The following ZNF471 variants were observed in gnomAD, a reference collection of about 807,000 sequenced individuals.
The protein encoded by ZNF471 is EZFIT-related protein 1.
A neutral mutation model predicts 13.7 loss-of-function variants in ZNF471; 7 were observed. The observed-to-expected ratio is 0.51, with a 90% CI of 0.29 to 0.96. ZNF471 has a LOEUF of 0.96. Ranked by LOEUF, ZNF471 falls within the 40% of genes least tolerant of loss-of-function variation. The pLI, the probability that ZNF471 is intolerant of heterozygous loss-of-function variation, is 0.08. For missense variants in ZNF471, 663 were observed against 743.3 expected (o/e 0.89, Z 1.26); for synonymous variants, 218 against 235.6 (o/e 0.93, Z 0.68).
In ZNF471 at chr19:56,518,530, G is replaced by C; in HGVS notation, c.209G>C (p.Arg70Thr). Residue 70 changes from arginine (R) to threonine (T), a missense_variant, in exon 4 of 5, where the codon AGA becomes ACA. Coordinates refer to ENST00000308031, the MANE Select transcript of ZNF471 (RefSeq NM_020813.4). ...PYVISLLEQGREPWEMTSEMT... is the reference protein window; with the variant it reads ...PYVISLLEQGTEPWEMTSEMT... ...GTGATCTCCTTATTGGAGCAAGGGA[G>C]AGAGCCTTGGGAGATGACGAGTGAG... is the stretch of plus-strand genomic sequence containing the variant. 6.2e-7 allele frequency: 1 copy of C among 1,613,812 alleles called. No homozygotes were observed. The highest frequency in any genetic ancestry group is 8.5e-7 in the Non-Finnish European group (1 of 1,179,884).
intron 1 of ZNF471, 71 bp downstream of exon 1, chr19:56,507,991 C>T: frequency 1.0e-6 from 1 of 985,892 alleles, no homozygotes; most frequent in Non-Finnish European, 1.2e-6. Flanking sequence ...GCGGGCGGCT[C>T]CGACGCGGGT....
At chr19:56,521,693 A>G (rs988040272) in intron 4 of ZNF471, among the ~76,000 whole-genome samples, 4 of 149,408 alleles carry the variant, frequency 2.7e-5, no homozygotes, top group African/African-American at 7.4e-5. Context: ...GCTCACACCT[A>G]TAATCGCAGC....
Position 56,526,536 on chromosome 19 carries a change from AG to A in ZNF471, c.*593del, listed in dbSNP as rs1297729706. The A allele has an allele frequency of 6.6e-6, 1 of 152,304 alleles. No homozygotes were observed. The highest frequency in any genetic ancestry group is 1.5e-5 in the Non-Finnish European group (1 of 68,170). The allele number at this position is 152,304 out of a possible 1,614,324, so 9.4% of individuals were successfully genotyped here. ...AACAGAACCGCTTACTCCCTTGTTA[AG>A]GGGGCTGAAGCCGGGGAGCCAAGTG... On this transcript the variant is annotated 3_prime_UTR_variant, in exon 5 of 5. Coordinates refer to ENST00000308031, the MANE Select transcript of ZNF471 (RefSeq NM_020813.4).
chr19:56,511,967 T>G lies in ZNF471; in HGVS notation c.33+363T>G, dbSNP rs144594800. ...TGCGTTTCCTATATATAGAATGCAT[T>G]AGGAATTATTCCTCTACCTGAAGTT... On this transcript the variant is annotated intron_variant, in intron 2 of 4. Coordinates refer to ENST00000308031, the MANE Select transcript of ZNF471 (RefSeq NM_020813.4). Among the ~76,000 whole-genome samples the G allele has an allele frequency of 6.2e-3, 937 of 152,336 alleles. 4 individuals are homozygous for G. Among genetic ancestry groups the G allele is most frequent in the African/African-American group, 0.022 (895 of 41,566 alleles).
chr19:56,521,773 C>T lies in ZNF471; in HGVS notation c.257-2551C>T, dbSNP rs144864772. Among the ~76,000 whole-genome samples the T allele has an allele frequency of 3.1e-4, 46 of 150,702 alleles. No individual in the cohort carries two copies. The East Asian group carries it at 8.9e-3, about 29-fold the overall frequency. ...AGACCAGCCTGGGCAACAGCAAGAC[C>T]TCATCCCTACTAAAAATAAAAAATT... On this transcript the variant is annotated intron_variant, in intron 4 of 4. Transcript: ENST00000308031.
Position 56,524,798 on chromosome 19 carries a change from A to G in ZNF471, c.731A>G (p.Lys244Arg), listed in dbSNP as rs776192013. The change falls in exon 5 of 5, where the codon AAG becomes AGG. Residue 244 changes from lysine to arginine, a missense_variant. Transcript: ENST00000308031. This position sits in a 1 kb window ranked among gnomAD's most constrained non-coding sequence, Gnocchi z 4.8. Reference protein sequence around the residue: ...YACEECGKAFKQRQHLAQHHR... With the variant: ...YACEECGKAFRQRQHLAQHHR... The stretch of plus-strand genomic sequence containing the variant: ...TGTGAGGAATGTGGAAAAGCCTTCA[A>G]GCAAAGGCAACACCTTGCTCAACAT... 1 of 1,613,118 alleles carries G rather than the reference A, an allele frequency of 6.2e-7. No individual in the cohort carries two copies. Among genetic ancestry groups the G allele is most frequent in the South Asian group, 1.1e-5 (1 of 90,830 alleles).
intron 2 of ZNF471, among the ~76,000 whole-genome samples, chr19:56,515,266 A>G (rs2043867124): frequency 6.6e-6 from 1 of 152,168 alleles, no homozygotes; most frequent in African/African-American, 2.4e-5. Context: ...TAAATATTGG[A>G]AAGAATGTGA....
At position 56,516,293 on chromosome 19, in the gene ZNF471, G is replaced by A. The variant is rs763039438; in HGVS notation, c.52G>A (p.Asp18Asn). Residue 18 changes from aspartate (D) to asparagine (N), a missense_variant, in exon 3 of 5, where the codon GAT becomes AAT. Transcript: ENST00000308031. The surrounding 1 kb of genome is among the most constrained non-coding windows in gnomAD (Gnocchi z 4.4). ...ACTTCAGGACTTAGTGACATTCAAG[G>A]ATGTGGCAATAGATTTTTCCCAGGA... The part of the protein sequence containing the change: ...VMPQDLVTFK[D>N]VAIDFSQEEW... The A allele has an allele frequency of 6.2e-7, 1 of 1,613,690 alleles. No individual in the cohort carries two copies. The highest frequency in any genetic ancestry group is 8.5e-7 in the Non-Finnish European group (1 of 1,179,744).
Position 56,518,714 on chromosome 19 carries a change from A to G in ZNF471, c.256+137A>G, listed in dbSNP as rs185664385. ...GGCCTGGAGAGAAAACTGAAACTTT[A>G]TGCTTCACATGGGCCCCTCAAATAT... On this transcript the variant is annotated intron_variant, in intron 4 of 4. Transcript: ENST00000308031. 444 of 597,052 alleles carry G rather than the reference A, an allele frequency of 7.4e-4. 2 individuals are homozygous for G. Among genetic ancestry groups the G allele is most frequent in the African/African-American group, 7.2e-3 (388 of 53,584 alleles). The allele number at this position is 597,052 out of a possible 1,614,324, so 37.0% of individuals were successfully genotyped here.
At position 56,507,870 on chromosome 19, in the gene ZNF471, A is replaced by T. The variant is rs958345425; in HGVS notation, c.-106A>T. The T allele has an allele frequency of 1.0e-6, 1 of 985,340 alleles. No individual in the cohort carries two copies. Among genetic ancestry groups the T allele is most frequent in the African/African-American group, 1.7e-5 (1 of 57,190 alleles). 61.0% of individuals were successfully genotyped at this position (985,340 alleles called of 1,614,324 possible). On this transcript the variant is annotated 5_prime_UTR_variant, in exon 1 of 5. Transcript: ENST00000308031. ...TGCGCGATGGGGGGTTCCAGCGTCG[A>T]CTCACGGAGTCCTTCGGATGAGAGC...
At chr19:56,509,471 G>C (rs2043779345) in intron 1 of ZNF471, among the ~76,000 whole-genome samples, 1 of 152,210 alleles carries the variant, frequency 6.6e-6, no homozygotes, top group Non-Finnish European at 1.5e-5. Flanking sequence ...CGCAAGGAGG[G>C]GGTCATAGGA....
chr19:56,518,347 AGTCT>A, intron 3 of ZNF471, 131 bp from the exon 4 acceptor site: 3 of 668,038 alleles, frequency 4.5e-6, no homozygotes, highest in Non-Finnish European at 7.7e-6. Flanking sequence ...AGTTTTATGT[AGTCT>A]GTCCTTCAGA....
At chr19:56,515,308 C>T (rs2043868244) in intron 2 of ZNF471, among the ~76,000 whole-genome samples, 1 of 152,164 alleles carries the variant, frequency 6.6e-6, no homozygotes, top group African/African-American at 2.4e-5. Flanking sequence ...GAATACATCT[C>T]ATTTTATAAG....
chr19:56,515,677 A>G (rs889231718), intron 2 of ZNF471, among the ~76,000 whole-genome samples: 10 of 152,220 alleles, frequency 6.6e-5, no homozygotes, highest in Admixed American at 2.0e-4. Context: ...CTGAAGGTGA[A>G]AAATGCCCAC....
At chr19:56,518,130 C>A (rs2043919210) in intron 3 of ZNF471, among the ~76,000 whole-genome samples, 1 of 152,132 alleles carries the variant, frequency 6.6e-6, no homozygotes, top group Non-Finnish European at 1.5e-5. Context: ...CCTCTGGATT[C>A]TGTCATATTC....
Position 56,526,818 on chromosome 19 carries a change from G to A in ZNF471, c.*870G>A, listed in dbSNP as rs2044054288. ...TGCCTCTCTAGATTCCTCCTCTCTG[G>A]GCAGCGCATCTTTGAAAAAAGTGCA... On this transcript the variant is annotated 3_prime_UTR_variant, in exon 5 of 5. Transcript: ENST00000308031. 1 of 152,328 alleles carries A rather than the reference G, an allele frequency of 6.6e-6. No individual in the cohort carries two copies. The highest frequency in any genetic ancestry group is 2.4e-5 in the African/African-American group (1 of 41,446). 9.4% of individuals were successfully genotyped at this position (152,328 alleles called of 1,614,324 possible).
rs2043891249 is a variant in ZNF471, at chr19:56,516,540, G to A, written c.160+139G>A. 1.3e-6 allele frequency: 1 copy of A among 753,416 alleles called. No homozygotes were observed. Among genetic ancestry groups the A allele is most frequent in the Non-Finnish European group, 2.0e-6 (1 of 488,196 alleles). The allele number at this position is 753,416 out of a possible 1,614,324, so 46.7% of individuals were successfully genotyped here. A position where few individuals can be genotyped will look rare whatever the true frequency, so the allele number is the denominator to read the frequency against. On this transcript the variant is annotated intron_variant, in intron 3 of 4. Transcript: ENST00000308031. This position sits in a 1 kb window ranked among gnomAD's most constrained non-coding sequence, Gnocchi z 4.4. ...GAGAAACAGAGGATATTGAGGGACT[G>A]AAGAAAACTTGAGATTTAGAGTTAG...
At chr19:56,518,024 G>C (rs936938663) in intron 3 of ZNF471, among the ~76,000 whole-genome samples, 2 of 151,960 alleles carry the variant, frequency 1.3e-5, no homozygotes, top group Non-Finnish European at 2.9e-5. Context: ...AGCGTCTATT[G>C]CTTGCTTTTT....
chr19:56,521,033 G>C (rs989044554), intron 4 of ZNF471, among the ~76,000 whole-genome samples: 2 of 152,170 alleles, frequency 1.3e-5, no homozygotes, highest in African/African-American at 4.8e-5. Context: ...AGTCAGGAGA[G>C]AGCTTGTGCA....
Sources: gnomAD v4.1 joint callset for allele counts (sites outside exome capture counted in the v4.1 genomes callset) on GRCh38, gnomAD v4.1.1 for gene constraint, Gnocchi (gnomAD v3.1) non-coding constraint, MANE v1.5 for transcripts, NCBI Gene and HGNC (gene_info 2026-07-23, HGNC 2026-07-21) for gene names.